The following CBR4 variants were observed in gnomAD, a reference collection of about 807,000 sequenced individuals.
CBR4 encodes the protein 3-oxoacyl-[acyl-carrier-protein] reductase.
A neutral mutation model predicts 21.0 loss-of-function variants in CBR4; 22 were observed. The ratio of observed to expected loss-of-function variants is 1.05; its 90% CI spans 0.75 to 1.50. The LOEUF (loss-of-function observed/expected upper bound fraction) is 1.50, where lower values mean the gene tolerates loss of function less well. Ranked by LOEUF, CBR4 falls within the 40% of genes most tolerant of loss-of-function variation. CBR4 has a pLI of 0.00. For synonymous variants in CBR4, 100 were observed against 104.4 expected (o/e 0.96, Z 0.26); for missense variants, 302 against 286.3 (o/e 1.05, Z -0.40).
chr4:169,009,210 C>A (rs1367158577), intron 1 of CBR4, among the ~76,000 whole-genome samples: 1 of 152,150 alleles, frequency 6.6e-6, no homozygotes, highest in African/African-American at 2.4e-5. Flanking sequence ...TCGGATCTAA[C>A]GTCCTATTTC....
chr4:168,905,886 AC>A (rs1225642823), intron 2 of CBR4, among the ~76,000 whole-genome samples: 1 of 139,312 alleles, frequency 7.2e-6, no homozygotes, highest in Non-Finnish European at 1.5e-5. Context: ...TGCAGTCTCC[AC>A]CTCCTGGGTT....
At chr4:168,956,456 C>G (rs1030724984) in intron 2 of CBR4, among the ~76,000 whole-genome samples, 1 of 151,442 alleles carries the variant, frequency 6.6e-6, no homozygotes, top group East Asian at 1.9e-4. Flanking sequence ...AAATTAGTTA[C>G]GCACGGTGGC....
intron 2 of CBR4, among the ~76,000 whole-genome samples, chr4:168,967,013 T>A (rs1419243999): frequency 7.0e-6 from 1 of 143,810 alleles, no homozygotes; most frequent in East Asian, 2.0e-4. Flanking sequence ...AAACTCCATC[T>A]AAAAAAAAAA....
chr4:168,916,684 C>CTT (rs545906704), intron 2 of CBR4, among the ~76,000 whole-genome samples: 70,655 of 136,346 alleles, frequency 0.52, 21,716 homozygotes, highest in East Asian at 0.87. Flanking sequence ...TTTTCTAATT[C>CTT]TTTTTTTTTT....
At chr4:169,001,444 G>A (rs1730426344) in intron 4 of CBR4, 2 of 152,176 alleles carry the variant, frequency 1.3e-5, no homozygotes, top group South Asian at 4.1e-4. Context: ...TCCACCTTAA[G>A]TTATTCCACT....
chr4:168,991,265 TG>T (rs1330693490), intron 4 of CBR4, among the ~76,000 whole-genome samples: 1 of 152,100 alleles, frequency 6.6e-6, no homozygotes, highest in East Asian at 1.9e-4. Context: ...GTGGAGGAAA[TG>T]GTCACTTGCA....
downstream of CBR4, among the ~76,000 whole-genome samples, chr4:168,985,666 G>A (rs1038428255): frequency 1.3e-5 from 2 of 152,082 alleles, no homozygotes; most frequent in Admixed American, 1.3e-4. Flanking sequence ...TAAAGAAAAT[G>A]TGGTACATAT....
At chr4:168,921,807 T>G in intron 2 of CBR4, 1 of 1,223,630 alleles carries the variant, frequency 8.2e-7, no homozygotes, top group Non-Finnish European at 1.2e-6. Context: ...TGTAAACTAA[T>G]TCTACATTAC....
intron 2 of CBR4, among the ~76,000 whole-genome samples, chr4:168,940,950 A>G (rs972095705): frequency 3.9e-5 from 6 of 152,204 alleles, no homozygotes; most frequent in Non-Finnish European, 7.3e-5. Context: ...AAAGGATTAT[A>G]AATCATTCTA....
At chr4:168,986,622 GTGAA>G (rs1036133717), downstream of CBR4, among the ~76,000 whole-genome samples, 7 of 151,904 alleles carry the variant, frequency 4.6e-5, no homozygotes, top group African/African-American at 1.2e-4. Context: ...TAAATATTTC[GTGAA>G]TGAATGAACA....
At chr4:168,956,648 C>T (rs1218037292) in intron 2 of CBR4, among the ~76,000 whole-genome samples, 1 of 133,332 alleles carries the variant, frequency 7.5e-6, no homozygotes, top group Non-Finnish European at 1.6e-5. Context: ...ATAATATTTA[C>T]TAAGTACTTA....
chr4:168,900,490 T>C (rs1756268838), intron 2 of CBR4, among the ~76,000 whole-genome samples: 1 of 152,058 alleles, frequency 6.6e-6, no homozygotes, highest in Non-Finnish European at 1.5e-5. Context: ...CTCAATGAAA[T>C]AAAAAGCTTA....
chr4:168,948,197 T>C (rs1763446390), intron 2 of CBR4, among the ~76,000 whole-genome samples: 1 of 152,330 alleles, frequency 6.6e-6, no homozygotes, highest in African/African-American at 2.4e-5. Context: ...TGTCTATTCA[T>C]GTCCTTAGCC....
At chr4:168,919,580 A>G (rs1761006281) in intron 2 of CBR4, among the ~76,000 whole-genome samples, 1 of 152,092 alleles carries the variant, frequency 6.6e-6, no homozygotes, top group Non-Finnish European at 1.5e-5. Context: ...AGGAAAAAAA[A>G]AAAGTTAGTG....
Position 168,961,974 on chromosome 4 carries a change from AG to A in CBR4, n.169+40096del, listed in dbSNP as rs1367504124. Among the ~76,000 whole-genome samples the A allele has an allele frequency of 8.7e-4, 127 of 146,488 alleles. 3 individuals are homozygous for A. Among genetic ancestry groups the A allele is most frequent in the African/African-American group, 3.1e-3 (124 of 39,684 alleles). ...AGAGGAGAGGAGAGGAGAGGAGAGG[AG>A]AGGAGAGGAGAGGAGAGGAAAGGAA... On this transcript the variant is annotated intron_variant and non_coding_transcript_variant, in intron 2 of 3. Transcript: ENST00000509108.
intron 4 of CBR4, among the ~76,000 whole-genome samples, chr4:168,991,089 G>C (rs746023847): frequency 6.6e-6 from 1 of 152,074 alleles, no homozygotes; most frequent in Admixed American, 6.5e-5. Context: ...AGTTTTGTTA[G>C]TAATCAAGAC....
chr4:168,953,429 T>C (rs183867045), intron 2 of CBR4, among the ~76,000 whole-genome samples: 1 of 152,116 alleles, frequency 6.6e-6, no homozygotes, highest in Non-Finnish European at 1.5e-5. Flanking sequence ...CTGCATTTTT[T>C]TTTTTGGTTT....
chr4:168,928,658 T>C (rs1403986771), intron 2 of CBR4, among the ~76,000 whole-genome samples: 2 of 152,132 alleles, frequency 1.3e-5, no homozygotes, highest in African/African-American at 2.4e-5. Flanking sequence ...CTCTTCAAAA[T>C]TCAAGTGGTT....
intron 2 of CBR4, among the ~76,000 whole-genome samples, chr4:168,966,650 G>A (rs906995142): frequency 9.2e-5 from 14 of 152,172 alleles, no homozygotes; most frequent in African/African-American, 2.9e-4. Context: ...ACAATGTGGC[G>A]ACTCAAGGAT....
Sources: allele counts gnomAD v4.1 joint callset (sites outside exome capture counted in the v4.1 genomes callset), GRCh38; gene constraint gnomAD v4.1.1; transcripts MANE v1.5; gene names NCBI Gene and HGNC (gene_info 2026-07-23, HGNC 2026-07-21).